STPG2: variants seen among roughly 807,000 people sequenced by gnomAD.
The protein encoded by STPG2 is sperm tail PG-rich repeat containing 2, also known as sperm-tail PG-rich repeat-containing protein 2.
Under a neutral mutation model 54.2 loss-of-function variants are expected in STPG2, and 56 were observed. That is an observed-to-expected ratio of 1.03 (90% CI 0.83 to 1.29). The LOEUF is 1.29. Among genes scored for constraint, STPG2 ranks in the 50% most tolerant of loss-of-function variants. STPG2 has a pLI of 0.00. For synonymous variants in STPG2, 200 were observed against 181.8 expected (o/e 1.10, Z -0.81); for missense variants, 596 against 544.9 (o/e 1.09, Z -0.93).
intron 5 of STPG2, among the ~76,000 whole-genome samples, chr4:98,073,474 C>T (rs1042117151): frequency 2.6e-5 from 4 of 151,966 alleles, no homozygotes; most frequent in Non-Finnish European, 5.9e-5. Context: ...GCCTGTAATC[C>T]CAGCACTTTG....
intron 9 of STPG2, among the ~76,000 whole-genome samples, chr4:97,838,676 T>G (rs1051752191): frequency 4.6e-5 from 7 of 151,512 alleles, no homozygotes; most frequent in Non-Finnish European, 1.0e-4. Flanking sequence ...CGGCATGATA[T>G]TAATTGAATT....
intron 9 of STPG2, among the ~76,000 whole-genome samples, chr4:97,808,076 A>G (rs1727625446): frequency 6.6e-6 from 1 of 152,014 alleles, no homozygotes; most frequent in Non-Finnish European, 1.5e-5. Flanking sequence ...TATTTTAGAC[A>G]CAATAAAAAG....
At chr4:97,619,559 G>C (rs1733957964) in intron 10 of STPG2, among the ~76,000 whole-genome samples, 1 of 146,804 alleles carries the variant, frequency 6.8e-6, no homozygotes, top group Non-Finnish European at 1.5e-5. Context: ...GGCACCTCTA[G>C]GGCCTTCCCA....
At chr4:98,037,945 A>T (rs1736824907) in intron 5 of STPG2, among the ~76,000 whole-genome samples, 1 of 152,180 alleles carries the variant, frequency 6.6e-6, no homozygotes, top group East Asian at 1.9e-4. Context: ...AGATAAATAT[A>T]GATCTAAACA....
At chr4:97,810,538 T>G (rs951212287) in intron 9 of STPG2, among the ~76,000 whole-genome samples, 4 of 151,612 alleles carry the variant, frequency 2.6e-5, no homozygotes, top group Non-Finnish European at 4.4e-5. Context: ...TACTTATCAC[T>G]CCTCTAATAT....
chr4:98,107,315 A>AG (rs1189846202), intron 4 of STPG2, among the ~76,000 whole-genome samples: 1 of 150,566 alleles, frequency 6.6e-6, no homozygotes, highest in Non-Finnish European at 1.5e-5. Flanking sequence ...AAAGAAAAAA[A>AG]CAAGTAGAAA....
intron 4 of STPG2, among the ~76,000 whole-genome samples, chr4:97,482,897 C>T (rs1730260163): frequency 1.3e-5 from 2 of 151,660 alleles, no homozygotes; most frequent in Non-Finnish European, 1.5e-5. Context: ...GATTGGGGTC[C>T]TATCTTCAGC....
intron 4 of STPG2, among the ~76,000 whole-genome samples, chr4:97,452,449 A>G (rs1159740592): frequency 6.6e-6 from 1 of 152,040 alleles, no homozygotes; most frequent in Non-Finnish European, 1.5e-5. Flanking sequence ...CCTACAAACT[A>G]GAGTGGGAAC....
chr4:97,526,775 C>T (rs548228754), intron 4 of STPG2, among the ~76,000 whole-genome samples: 1 of 151,960 alleles, frequency 6.6e-6, no homozygotes, highest in Non-Finnish European at 1.5e-5. Context: ...AATGGTATTG[C>T]CTAGGTTTTC....
chr4:98,014,269 G>A (rs1479217458), intron 5 of STPG2, among the ~76,000 whole-genome samples: 1 of 152,108 alleles, frequency 6.6e-6, no homozygotes, highest in Non-Finnish European at 1.5e-5. Flanking sequence ...TTTCCATGTA[G>A]TTGTGTGGTT....
intron 9 of STPG2, among the ~76,000 whole-genome samples, chr4:97,818,832 T>C (rs953795499): frequency 6.6e-6 from 1 of 151,454 alleles, no homozygotes; most frequent in Admixed American, 6.6e-5. Flanking sequence ...TAATAATCTG[T>C]GTACTATACA....
At chr4:97,894,646 A>G (rs1393403575) in intron 8 of STPG2, among the ~76,000 whole-genome samples, 2 of 151,892 alleles carry the variant, frequency 1.3e-5, no homozygotes, top group Admixed American at 6.6e-5. Context: ...AATATTGAGC[A>G]TATTCAAATG....
chr4:97,672,392 G>A (rs1722728203), intron 10 of STPG2, among the ~76,000 whole-genome samples: 1 of 151,722 alleles, frequency 6.6e-6, no homozygotes, highest in African/African-American at 2.4e-5. Flanking sequence ...TAGTCAGGCT[G>A]GTCTCGAACT....
intron 8 of STPG2, among the ~76,000 whole-genome samples, chr4:97,856,855 G>T (rs1729355099): frequency 6.6e-6 from 1 of 152,090 alleles, no homozygotes; most frequent in South Asian, 2.1e-4. Flanking sequence ...TTTATGCAGT[G>T]TTTTTAACAT....
At chr4:97,891,669 G>GA (rs1173042700) in intron 8 of STPG2, among the ~76,000 whole-genome samples, 2 of 151,490 alleles carry the variant, frequency 1.3e-5, no homozygotes, top group African/African-American at 2.4e-5. Flanking sequence ...CCTACAAGTA[G>GA]AAAAAAAATC....
At chr4:97,548,143 T>C (rs1304302494) in intron 4 of STPG2, among the ~76,000 whole-genome samples, 1 of 138,628 alleles carries the variant, frequency 7.2e-6, no homozygotes, top group Non-Finnish European at 1.6e-5. Context: ...AGAGTGAAAC[T>C]CTGTCTCAAA....
rs1305209048 is a variant in STPG2, at chr4:98,143,157, C to T, written c.-7G>A. 2.5e-6 allele frequency: 4 copies of T among 1,609,556 alleles called. No individual in the cohort carries two copies. The highest frequency in any genetic ancestry group is 2.7e-5 in the African/African-American group (2 of 74,910). On this transcript the variant is annotated 5_prime_UTR_variant, in exon 1 of 11. Coordinates refer to ENST00000295268, the MANE Select transcript of STPG2 (RefSeq NM_174952.3). Reference sequence around the variant, plus strand: ...GGGGAGCCCGATCATACATAGTGCTCGGGGTGGTGGGGGCGCTGGGGAAGG... The same window carrying T: ...GGGGAGCCCGATCATACATAGTGCTTGGGGTGGTGGGGGCGCTGGGGAAGG...
At chr4:97,444,457 AG>A in intron 4 of STPG2, among the ~76,000 whole-genome samples, 2 of 152,320 alleles carry the variant, frequency 1.3e-5, no homozygotes, top group South Asian at 4.1e-4. Flanking sequence ...GAAACTATAG[AG>A]GGCAGAAAAC....
intron 8 of STPG2, among the ~76,000 whole-genome samples, chr4:97,858,064 G>A (rs1055264576): frequency 4.6e-5 from 7 of 151,902 alleles, no homozygotes; most frequent in Non-Finnish European, 8.8e-5. Flanking sequence ...AGTCTCAAAC[G>A]GGCAAATCTA....
Sources: gnomAD v4.1 joint callset for allele counts (sites outside exome capture counted in the v4.1 genomes callset) on GRCh38, gnomAD v4.1.1 for gene constraint, MANE v1.5 for transcripts, NCBI Gene and HGNC (gene_info 2026-07-23, HGNC 2026-07-21) for gene names.